ANK1: variants seen among roughly 807,000 people sequenced by gnomAD.
The protein encoded by ANK1 is ankyrin-1.
ANK1 carries 51 observed loss-of-function variants against 210.4 expected under a neutral mutation model. That is an observed-to-expected ratio of 0.24 (90% CI 0.19 to 0.31). The LOEUF (loss-of-function observed/expected upper bound fraction) is 0.31, where lower values mean the gene tolerates loss of function less well. Ranked by LOEUF, ANK1 falls within the 10% of genes least tolerant of loss-of-function variation. ANK1 has a pLI of 1.00. For synonymous variants in ANK1, 967 were observed against 1,025.9 expected, an observed-to-expected ratio of 0.94 and a Z score of 1.10; for missense variants, 2,051 against 2,504.4, an observed-to-expected ratio of 0.82 and a Z score of 3.86.
At chr8:41,877,157 T>C (rs1363325144) in intron 1 of ANK1, among the ~76,000 whole-genome samples, 2 of 152,160 alleles carry the variant, frequency 1.3e-5, no homozygotes, top group Non-Finnish European at 2.9e-5. Flanking sequence ...AAATATGTGT[T>C]ATGGAACTTC....
intron 1 of ANK1, among the ~76,000 whole-genome samples, chr8:41,776,736 C>T (rs1485972241): frequency 6.6e-6 from 1 of 152,224 alleles, no homozygotes; most frequent in South Asian, 2.1e-4. Context: ...AATTAAACTA[C>T]TAACTGGCCT....
rs58196949 is a variant in ANK1, at chr8:41,703,450, A to ATTTTTTTTT, written c.2295+582_2295+590dup. Among the ~76,000 whole-genome samples the ATTTTTTTTT allele has an allele frequency of 3.6e-4, 21 of 58,816 alleles. 1 individual carries two copies. The highest frequency in any genetic ancestry group is 1.9e-3 in the African/African-American group (21 of 11,070). 38.6% of individuals were successfully genotyped at this position (58,816 alleles called of 152,430 possible). ...TATATATATATATATATATATATATATTTTTTTTTTTTTTTTAAGACACAA... is the reference window on the plus strand; with the variant it reads ...TATATATATATATATATATATATATATTTTTTTTTTTTTTTTTTTTTTTTTAAGACACAA... On this transcript the variant is annotated intron_variant, in intron 20 of 42. Coordinates refer to ENST00000289734, the MANE Select transcript of ANK1 (RefSeq NM_000037.4).
At chr8:41,718,294 C>T in intron 10 of ANK1, 90 bp from the exon 11 acceptor site, 1 of 1,270,456 alleles carries the variant, frequency 7.9e-7, no homozygotes, top group South Asian at 1.2e-5. Context: ...CTCTAAAAGG[C>T]AGCTGCTGCC....
chr8:41,863,905 G>A (rs1434585609), intron 1 of ANK1, among the ~76,000 whole-genome samples: 1 of 152,142 alleles, frequency 6.6e-6, no homozygotes, highest in Non-Finnish European at 1.5e-5. Context: ...CTATGAAACA[G>A]GGGCAATGAA....
chr8:41,786,116 G>A (rs1323859736), intron 1 of ANK1, among the ~76,000 whole-genome samples: 1 of 152,188 alleles, frequency 6.6e-6, no homozygotes, highest in Admixed American at 6.5e-5. Context: ...CTTTTGGCGC[G>A]GTTTGTGGTC....
In ANK1 at chr8:41,655,183, G is replaced by A. The variant is rs2150526979; in HGVS notation, c.*607C>T. On this transcript the variant is annotated 3_prime_UTR_variant, in exon 43 of 43. Transcript: ENST00000289734. The stretch of plus-strand genomic sequence containing the variant: ...AATGTCATGTAGAGCGATCTGGGAG[G>A]AGCGTCACCAGGGAGTCGAGGGGGT... 6.3e-6 allele frequency: 1 copy of A among 157,642 alleles called. No homozygotes were observed. Among genetic ancestry groups the A allele is most frequent in the South Asian group, 1.9e-4 (1 of 5,372 alleles). The allele number at this position is 157,642 out of a possible 1,614,324, so 9.8% of individuals were successfully genotyped here.
At chr8:41,882,251 C>T (rs537174098) in intron 1 of ANK1, among the ~76,000 whole-genome samples, 1 of 152,124 alleles carries the variant, frequency 6.6e-6, no homozygotes, top group Non-Finnish European at 1.5e-5. Flanking sequence ...CCATGTAACA[C>T]CACGGGACAC....
At chr8:41,813,054 G>A (rs1802743613) in intron 1 of ANK1, among the ~76,000 whole-genome samples, 1 of 152,158 alleles carries the variant, frequency 6.6e-6, no homozygotes, top group African/African-American at 2.4e-5. Flanking sequence ...GGCAACAAAA[G>A]AAAAATATAA....
chr8:41,697,918 G>T, intron 24 of ANK1, 125 bp downstream of exon 24: 7 of 898,226 alleles, frequency 7.8e-6, no homozygotes, highest in African/African-American at 1.6e-5. Context: ...AATGCCAGTT[G>T]GACAGTGAGT....
At chr8:41,711,385 A>C (rs1826071632) in intron 16 of ANK1, among the ~76,000 whole-genome samples, 1 of 152,254 alleles carries the variant, frequency 6.6e-6, no homozygotes, top group Non-Finnish European at 1.5e-5. Flanking sequence ...ACGCCTTGCT[A>C]TACCCACTCC....
At chr8:41,726,399 T>A (rs77512723) in intron 5 of ANK1, among the ~76,000 whole-genome samples, 5,374 of 152,070 alleles carry the variant, frequency 0.035, 189 homozygotes, top group African/African-American at 0.09. Flanking sequence ...TTATTATTAT[T>A]TTATTTTTGA....
intron 1 of ANK1, among the ~76,000 whole-genome samples, chr8:41,895,657 T>C (rs1251716012): frequency 6.6e-6 from 1 of 152,056 alleles, no homozygotes; most frequent in Non-Finnish European, 1.5e-5. Context: ...GTGCCTGGCT[T>C]CCAAAGGAAC....
intron 1 of ANK1, among the ~76,000 whole-genome samples, chr8:41,857,679 C>T (rs927089807): frequency 4.1e-5 from 6 of 147,494 alleles, no homozygotes; most frequent in African/African-American, 1.5e-4. Context: ...CTGAGGTTGC[C>T]GTGAGCCAAG....
At chr8:41,671,475 T>C (rs531256941) in intron 38 of ANK1, among the ~76,000 whole-genome samples, 28 of 152,268 alleles carry the variant, frequency 1.8e-4, no homozygotes, top group Admixed American at 4.6e-4. Context: ...AGCCTCATGA[T>C]TGCTCTTTTA....
At chr8:41,798,055 GT>G (rs1390156728), upstream of ANK1, among the ~76,000 whole-genome samples, 2 of 151,910 alleles carry the variant, frequency 1.3e-5, no homozygotes, top group Non-Finnish European at 2.9e-5. Context: ...GTTTTGTTTT[GT>G]TTCCTAAGGA....
intron 42 of ANK1, 148 bp from the exon 43 acceptor site, chr8:41,655,901 G>T: frequency 1.1e-6 from 1 of 913,034 alleles, no homozygotes; most frequent in Non-Finnish European, 1.7e-6. Flanking sequence ...TGTGCTGAGG[G>T]TGCTGCACTT....
chr8:41,817,131 T>C (rs966399922), intron 1 of ANK1, among the ~76,000 whole-genome samples: 18 of 152,148 alleles, frequency 1.2e-4, no homozygotes, highest in Non-Finnish European at 1.5e-5. Flanking sequence ...ATCATCTCCC[T>C]GAAGTTTGCA....
chr8:41,871,974 C>T (rs2150825643), intron 1 of ANK1, among the ~76,000 whole-genome samples: 1 of 152,286 alleles, frequency 6.6e-6, no homozygotes, highest in South Asian at 2.1e-4. Flanking sequence ...GGGCCAGGCA[C>T]CCACACTCCA....
At chr8:41,779,798 G>A (rs899663139) in intron 1 of ANK1, among the ~76,000 whole-genome samples, 1 of 152,222 alleles carries the variant, frequency 6.6e-6, no homozygotes, top group African/African-American at 2.4e-5. Context: ...ACATAGCAGA[G>A]AAGTGGCGGA....
Sources: gnomAD v4.1 joint callset for allele counts (sites outside exome capture counted in the v4.1 genomes callset) on GRCh38, gnomAD v4.1.1 for gene constraint, MANE v1.5 for transcripts, NCBI Gene and HGNC (gene_info 2026-07-23, HGNC 2026-07-21) for gene names.